The following COX7A2L variants were observed in gnomAD, a reference collection of about 807,000 sequenced individuals.
COX7A2L encodes cytochrome c oxidase subunit 7A2 like.
Under a neutral mutation model 14.2 loss-of-function variants are expected in COX7A2L, and 18 were observed. That is an observed-to-expected ratio of 1.27 (90% CI 0.88 to 1.88). The LOEUF is 1.88. COX7A2L is among the 40% of genes most tolerant of loss of function. The probability of loss-of-function intolerance (pLI) is 0.00; values close to 1 mark genes in which losing one functional copy is unlikely to be tolerated. For missense variants in COX7A2L, 179 were observed against 138.8 expected, an observed-to-expected ratio of 1.29 and a Z score of -1.46; for synonymous variants, 65 against 57.4, an observed-to-expected ratio of 1.13 and a Z score of -0.60.
At chr2:42,340,482 G>T (rs1670380235) in intron 2 of COX7A2L, among the ~76,000 whole-genome samples, 1 of 152,122 alleles carries the variant, frequency 6.6e-6, no homozygotes, top group Non-Finnish European at 1.5e-5. Flanking sequence ...GGATCAGGTG[G>T]TTAGTCCCGA....
intron 2 of COX7A2L, among the ~76,000 whole-genome samples, chr2:42,351,896 T>A (rs1161642410): frequency 6.6e-6 from 1 of 152,046 alleles, no homozygotes; most frequent in African/African-American, 2.4e-5. Flanking sequence ...GGTGGGAGGA[T>A]CGCTTGAGCC....
intron 1 of COX7A2L, chr2:42,359,421 T>C (rs941917509): frequency 6.6e-6 from 1 of 152,230 alleles, no homozygotes. Flanking sequence ...TACATGGGTT[T>C]GTCCAAACTC....
At chr2:42,337,480 C>T (rs558281110) in intron 2 of COX7A2L, among the ~76,000 whole-genome samples, 4 of 152,186 alleles carry the variant, frequency 2.6e-5, no homozygotes, top group African/African-American at 9.6e-5. Context: ...GAGGCAACTA[C>T]AAAGGGGTGG....
chr2:42,362,683 G>A (rs138192306), upstream of COX7A2L, among the ~76,000 whole-genome samples: 74 of 152,238 alleles, frequency 4.9e-4, no homozygotes, highest in African/African-American at 1.6e-3. Context: ...GCAGGCTTAC[G>A]TTCAAGAGCC....
upstream of COX7A2L, among the ~76,000 whole-genome samples, chr2:42,363,426 C>CT (rs1405353844): frequency 6.6e-6 from 1 of 152,222 alleles, no homozygotes; most frequent in African/African-American, 2.4e-5. Flanking sequence ...AGAATATTCT[C>CT]TAACTTTTAG....
intron 1 of COX7A2L, among the ~76,000 whole-genome samples, chr2:42,354,703 A>C (rs754363388): frequency 5.3e-5 from 8 of 152,246 alleles, no homozygotes; most frequent in Non-Finnish European, 8.8e-5. Flanking sequence ...CAGTACAGTA[A>C]ATGGGAATGA....
intron 2 of COX7A2L, among the ~76,000 whole-genome samples, chr2:42,341,976 T>C (rs1342560080): frequency 1.3e-5 from 2 of 152,192 alleles, no homozygotes; most frequent in Non-Finnish European, 2.9e-5. Flanking sequence ...CAAATTAATC[T>C]GCCACATAAC....
rs570870083 is a variant in COX7A2L at position 42,356,647 on chromosome 2, C to T, written c.73-3304G>A. Among the ~76,000 whole-genome samples, 7 of 152,314 alleles carry T rather than the reference C, an allele frequency of 4.6e-5. No individual in the cohort carries two copies. In the South Asian group the frequency reaches 1.2e-3, roughly 27 times the overall value. ...GCTGTTCTTATAAAAAGTGGACAGG[C>T]TGGGCGTAATGGCTCATGCCTGTGG... is the stretch of plus-strand genomic sequence containing the variant. On this transcript the variant is annotated intron_variant, in intron 1 of 2. Coordinates refer to ENST00000234301, the MANE Select transcript of COX7A2L (RefSeq NM_004718.4).
intron 2 of COX7A2L, among the ~76,000 whole-genome samples, chr2:42,341,595 G>A (rs1330550098): frequency 6.6e-6 from 1 of 152,244 alleles, no homozygotes; most frequent in African/African-American, 2.4e-5. Flanking sequence ...GACTCAGAGT[G>A]ATGGGTGGGG....
chr2:42,360,370 C>T (rs938281034), intron 1 of COX7A2L, among the ~76,000 whole-genome samples: 2 of 152,152 alleles, frequency 1.3e-5, no homozygotes, highest in East Asian at 3.8e-4. Context: ...ACAATTAAAG[C>T]GGAAAACGCC....
intron 2 of COX7A2L, among the ~76,000 whole-genome samples, chr2:42,351,937 T>C (rs2103889548): frequency 6.6e-6 from 1 of 152,260 alleles, no homozygotes; most frequent in South Asian, 2.1e-4. Flanking sequence ...GGGCCATGAG[T>C]GTGCCACTAC....
intron 1 of COX7A2L, among the ~76,000 whole-genome samples, chr2:42,366,810 C>T (rs1006619489): frequency 2.0e-5 from 3 of 152,144 alleles, no homozygotes; most frequent in African/African-American, 7.2e-5. Context: ...TTTCCCCAGC[C>T]CCCTTCCCTT....
At chr2:42,366,660 T>C (rs1267439685) in intron 1 of COX7A2L, among the ~76,000 whole-genome samples, 1 of 152,252 alleles carries the variant, frequency 6.6e-6, no homozygotes, top group Admixed American at 6.5e-5. Flanking sequence ...TTTGTAAAAG[T>C]AGTAAAACTG....
intron 2 of COX7A2L, among the ~76,000 whole-genome samples, chr2:42,352,387 ATCC>A (rs1670675953): frequency 6.6e-6 from 1 of 152,082 alleles, no homozygotes; most frequent in Admixed American, 6.6e-5. Flanking sequence ...TGATCAAGCA[ATCC>A]TCCTACCTTG....
intron 1 of COX7A2L, among the ~76,000 whole-genome samples, chr2:42,367,719 G>C (rs938554591): frequency 9.2e-5 from 14 of 152,240 alleles, no homozygotes; most frequent in Admixed American, 9.2e-4. Flanking sequence ...TCTGAGCCAG[G>C]GGAGAAATTT....
At chr2:42,364,969 C>T (rs988076908), upstream of COX7A2L, among the ~76,000 whole-genome samples, 1 of 152,216 alleles carries the variant, frequency 6.6e-6, no homozygotes, top group Non-Finnish European at 1.5e-5. Context: ...AAAAGCACAT[C>T]CACAGAGAAT....
At chr2:42,361,527 G>C (rs1439437517), upstream of COX7A2L, 3 of 185,682 alleles carry the variant, frequency 1.6e-5, no homozygotes, top group African/African-American at 7.1e-5. Flanking sequence ...GGCAGTGTCG[G>C]AGTCAGGTGG....
At chr2:42,336,743 C>G (rs1670282430) in intron 2 of COX7A2L, among the ~76,000 whole-genome samples, 3 of 152,330 alleles carry the variant, frequency 2.0e-5, no homozygotes, top group East Asian at 3.9e-4. Flanking sequence ...TACAGCAGCT[C>G]CTCTTCTACG....
intron 2 of COX7A2L, among the ~76,000 whole-genome samples, chr2:42,343,122 G>C (rs936279450): frequency 6.6e-6 from 1 of 152,134 alleles, no homozygotes; most frequent in African/African-American, 2.4e-5. Context: ...GGCCTGACCT[G>C]CTACCACCAA....
Sources: allele counts gnomAD v4.1 joint callset (sites outside exome capture counted in the v4.1 genomes callset), GRCh38; gene constraint gnomAD v4.1.1; transcripts MANE v1.5; gene names NCBI Gene and HGNC (gene_info 2026-07-23, HGNC 2026-07-21).